POU2AF2: variants seen among roughly 807,000 people sequenced by gnomAD.
POU2AF2 encodes POU domain class 2-associating factor 2.
At chr11:111,246,957 C>T in the POU2AF2 span, among the ~76,000 whole-genome samples, 2 of 152,134 alleles carry the variant, frequency 1.3e-5, no homozygotes, top group African/African-American at 4.8e-5. Flanking sequence ...TGATCTACAT[C>T]TCATTTCCTC....
At chr11:111,252,629 G>C in the POU2AF2 span, among the ~76,000 whole-genome samples, 1 of 151,480 alleles carries the variant, frequency 6.6e-6, no homozygotes, top group Non-Finnish European at 1.5e-5. Context: ...AGAAGTTGAG[G>C]GTCAATTTGT....
At chr11:111,280,593 G>C in the POU2AF2 span, among the ~76,000 whole-genome samples, 1 of 152,132 alleles carries the variant, frequency 6.6e-6, no homozygotes, top group Non-Finnish European at 1.5e-5. Flanking sequence ...GCCCGTTAGT[G>C]TCTCAGTAGC....
At chr11:111,249,251 G>GA in the POU2AF2 span, among the ~76,000 whole-genome samples, 1 of 151,960 alleles carries the variant, frequency 6.6e-6, no homozygotes, top group Non-Finnish European at 1.5e-5. Context: ...ATGCACAGGG[G>GA]AAAAAAATGT....
At chr11:111,275,068 C>G in the POU2AF2 span, among the ~76,000 whole-genome samples, 1 of 152,132 alleles carries the variant, frequency 6.6e-6, no homozygotes, top group Non-Finnish European at 1.5e-5. Context: ...TAAGTAAGTG[C>G]TTATGAATTA....
At chr11:111,260,978 C>A in the POU2AF2 span, among the ~76,000 whole-genome samples, 34 of 152,148 alleles carry the variant, frequency 2.2e-4, no homozygotes, top group African/African-American at 8.2e-4. Context: ...TCATGAACAT[C>A]TGTTTTTGAT....
the POU2AF2 span, among the ~76,000 whole-genome samples, chr11:111,273,471 A>G: frequency 1.3e-5 from 2 of 152,236 alleles, no homozygotes; most frequent in Admixed American, 6.5e-5. Context: ...AATACTATGA[A>G]TATCTCAAAG....
chr11:111,271,281 C>A, the POU2AF2 span, among the ~76,000 whole-genome samples: 1 of 151,984 alleles, frequency 6.6e-6, no homozygotes, highest in Non-Finnish European at 1.5e-5. Context: ...CGGGATCATG[C>A]CGCTGCACTG....
the POU2AF2 span, among the ~76,000 whole-genome samples, chr11:111,269,146 A>C: frequency 1.3e-5 from 2 of 152,052 alleles, no homozygotes; most frequent in African/African-American, 4.8e-5. Flanking sequence ...AGTGCTTTGC[A>C]TATTGCTTGT....
At chr11:111,272,044 C>T in the POU2AF2 span, among the ~76,000 whole-genome samples, 13 of 152,150 alleles carry the variant, frequency 8.5e-5, no homozygotes, top group Admixed American at 7.9e-4. Flanking sequence ...TAACCTGGTT[C>T]CTGCATCTTC....
chr11:111,286,187 G>A, the POU2AF2 span: 1 of 1,007,362 alleles, frequency 9.9e-7, no homozygotes, highest in Non-Finnish European at 1.4e-6. Flanking sequence ...AGTGGACGAG[G>A]GCATTTATTT....
the POU2AF2 span, among the ~76,000 whole-genome samples, chr11:111,261,993 G>A: frequency 3.9e-5 from 6 of 152,256 alleles, no homozygotes; most frequent in East Asian, 1.9e-4. Context: ...TCCACACAGC[G>A]TGATTCTTGC....
chr11:111,246,596 A>T, the POU2AF2 span, among the ~76,000 whole-genome samples: 3 of 152,372 alleles, frequency 2.0e-5, no homozygotes, highest in South Asian at 6.2e-4. Flanking sequence ...AATTCTTCAA[A>T]GTCTGATCTC....
chr11:111,285,614 C>T, the POU2AF2 span: 1 of 1,585,476 alleles, frequency 6.3e-7, no homozygotes, highest in Non-Finnish European at 8.5e-7. Flanking sequence ...CAGAGTGTCA[C>T]CTAGTGAATA....
the POU2AF2 span, among the ~76,000 whole-genome samples, chr11:111,259,988 C>T: frequency 6.6e-6 from 1 of 152,238 alleles, no homozygotes; most frequent in Non-Finnish European, 1.5e-5. Flanking sequence ...GTTTCATCCT[C>T]TTAACCACTA....
At chr11:111,268,216 G>A in the POU2AF2 span, among the ~76,000 whole-genome samples, 1 of 152,178 alleles carries the variant, frequency 6.6e-6, no homozygotes, top group African/African-American at 2.4e-5. Flanking sequence ...TGGGAAAAAG[G>A]GTAAGCTTTG....
chr11:111,273,608 A>T, the POU2AF2 span, among the ~76,000 whole-genome samples: 1 of 152,262 alleles, frequency 6.6e-6, no homozygotes, highest in Non-Finnish European at 1.5e-5. Flanking sequence ...AAATAAAATT[A>T]TACAGCAGTA....
At chr11:111,246,941 A>G in the POU2AF2 span, among the ~76,000 whole-genome samples, 3 of 152,050 alleles carry the variant, frequency 2.0e-5, no homozygotes, top group Non-Finnish European at 2.9e-5. Context: ...GCTACTTTGT[A>G]TTTTCTGATC....
At chr11:111,264,562 AAGAAAGAAAGAAAG>A in the POU2AF2 span, among the ~76,000 whole-genome samples, 1 of 48,188 alleles carries the variant, frequency 2.1e-5, no homozygotes, top group African/African-American at 7.7e-5. Flanking sequence ...GAAAGAAAGA[AAGAAAGAAAGAAAG>A]GGAGAGAGAA....
the POU2AF2 span, among the ~76,000 whole-genome samples, chr11:111,264,452 C>T: frequency 0.029 from 4,322 of 148,808 alleles, 260 homozygotes; most frequent in African/African-American, 0.1. Context: ...GGCGAGATTG[C>T]ACCACTGCAC....
Sources: allele counts gnomAD v4.1 joint callset (sites outside exome capture counted in the v4.1 genomes callset), GRCh38; gene constraint gnomAD v4.1.1; transcripts MANE v1.5; gene names NCBI Gene and HGNC (gene_info 2026-07-23, HGNC 2026-07-21).